Variants in GPATCH8 observed in about 807,000 individuals in gnomAD.
GPATCH8 encodes the protein G-patch domain containing 8.
In GPATCH8, 18 loss-of-function variants were observed where a neutral mutation model predicts 118.3. That is an observed-to-expected ratio of 0.15 (90% CI 0.11 to 0.23). The LOEUF is 0.23. Ranked by LOEUF, GPATCH8 falls within the 10% of genes least tolerant of loss-of-function variation. The pLI is 1.00. For missense variants in GPATCH8, 1,631 were observed against 1,873.8 expected, an observed-to-expected ratio of 0.87 and a Z score of 2.39; for synonymous variants, 659 against 684.7, an observed-to-expected ratio of 0.96 and a Z score of 0.59.
chr17:44,443,200 A>T (rs1849560028), intron 3 of GPATCH8, among the ~76,000 whole-genome samples: 1 of 152,146 alleles, frequency 6.6e-6, no homozygotes, highest in Admixed American at 6.6e-5. Flanking sequence ...AAATCAAGAT[A>T]AAAAAAATTA....
At chr17:44,405,514 GTTTT>G (rs11323148) in intron 7 of GPATCH8, among the ~76,000 whole-genome samples, 1 of 149,044 alleles carries the variant, frequency 6.7e-6, no homozygotes, top group Non-Finnish European at 1.5e-5. Flanking sequence ...GGCCACTTTT[GTTTT>G]TTTTGAGACA....
chr17:44,461,673 G>A (rs1384109609), intron 3 of GPATCH8, among the ~76,000 whole-genome samples: 3 of 151,860 alleles, frequency 2.0e-5, no homozygotes, highest in African/African-American at 7.3e-5. Context: ...AGTTTAAAGG[G>A]AACCAAAATT....
intron 3 of GPATCH8, among the ~76,000 whole-genome samples, chr17:44,450,416 C>T (rs1291646561): frequency 2.0e-5 from 3 of 152,136 alleles, no homozygotes; most frequent in Admixed American, 6.5e-5. Context: ...ATTTCAACAA[C>T]GTATGCTATC....
chr17:44,414,493 G>C (rs1209373271), intron 6 of GPATCH8, among the ~76,000 whole-genome samples: 2 of 152,080 alleles, frequency 1.3e-5, no homozygotes, highest in Non-Finnish European at 2.9e-5. Flanking sequence ...TATGTTTGTA[G>C]AGACAGGATC....
intron 1 of GPATCH8, among the ~76,000 whole-genome samples, chr17:44,483,625 T>C (rs1968519953): frequency 6.6e-6 from 1 of 151,770 alleles, no homozygotes; most frequent in African/African-American, 2.4e-5. Context: ...ATTCAAAATA[T>C]TTAATCAGAA....
At position 44,400,233 on chromosome 17, in the gene GPATCH8, T is replaced by G. The variant is rs372030778; in HGVS notation, c.1844A>C (p.Lys615Thr). ...GLDPGEPNKS[K>T]EVGGEKIVRS... ...TACTATTTTCTCTCCGCCCACTTCCTTGCTTTTATTTGGCTCACCAGGATC... is the reference window on the plus strand; with the variant it reads ...TACTATTTTCTCTCCGCCCACTTCCGTGCTTTTATTTGGCTCACCAGGATC... The change falls in exon 8 of 8, where the codon AAG becomes ACG. Residue 615 changes from lysine to threonine, a missense_variant. Physicochemically the swap from Lys to Thr is moderately conservative, Grantham distance 78 (BLOSUM62 -1). Around this residue, in one of 8 missense-constraint regions of GPATCH8, gnomAD observed 6 missense variants for 16.3 expected, o/e 0.37. Coordinates refer to ENST00000591680, the MANE Select transcript of GPATCH8 (RefSeq NM_001002909.4). 6.2e-7 allele frequency: 1 copy of G among 1,614,072 alleles called. No homozygotes were observed. The highest frequency in any genetic ancestry group is 8.5e-7 in the Non-Finnish European group (1 of 1,180,040).
intron 5 of GPATCH8, among the ~76,000 whole-genome samples, chr17:44,430,282 T>C (rs890117213): frequency 6.6e-6 from 1 of 152,060 alleles, no homozygotes; most frequent in Non-Finnish European, 1.5e-5. Context: ...CTCAACAAAA[T>C]GCTATCAAAC....
At chr17:44,413,749 A>G (rs2049540721) in intron 6 of GPATCH8, among the ~76,000 whole-genome samples, 1 of 152,104 alleles carries the variant, frequency 6.6e-6, no homozygotes, top group African/African-American at 2.4e-5. Context: ...CCTCCCAGGT[A>G]GCTGGAATTA....
At chr17:44,476,594 T>C (rs771246195) in intron 1 of GPATCH8, among the ~76,000 whole-genome samples, 3 of 152,226 alleles carry the variant, frequency 2.0e-5, no homozygotes, top group Non-Finnish European at 4.4e-5. Context: ...TATTTTTAAA[T>C]AAATACTGCT....
At chr17:44,501,107 G>C (rs1970027982) in intron 1 of GPATCH8, among the ~76,000 whole-genome samples, 1 of 152,044 alleles carries the variant, frequency 6.6e-6, no homozygotes, top group African/African-American at 2.4e-5. Flanking sequence ...CAAAATGCTA[G>C]GACATCTGAA....
At chr17:44,503,238 GA>G in intron 1 of GPATCH8, 87 bp downstream of exon 1, 1 of 1,235,074 alleles carries the variant, frequency 8.1e-7, no homozygotes, top group Non-Finnish European at 1.2e-6. Flanking sequence ...AGCAAAACTG[GA>G]AGGAAAGAGG....
rs2048950728 is a variant in GPATCH8, at chr17:44,399,980, G to A, written c.2097C>T (p.Ser699=). ...RKHKADTEEK[S]SKAESGEKSK... is the part of the protein sequence containing the mutation. ...ATTTCTCCCCTGACTCTGCCTTAGA[G>A]CTTTTCTCTTCTGTGTCAGCCTTGT... Residue 699 remains serine (S), a synonymous_variant, in exon 8 of 8, where the codon AGC becomes AGT. Coordinates refer to ENST00000591680, the MANE Select transcript of GPATCH8 (RefSeq NM_001002909.4). 1 of 1,613,880 alleles carries A rather than the reference G, an allele frequency of 6.2e-7. No homozygotes were observed. The highest frequency in any genetic ancestry group is 1.3e-5 in the African/African-American group (1 of 74,850).
chr17:44,493,901 G>A (rs1020927403), intron 1 of GPATCH8, among the ~76,000 whole-genome samples: 8 of 152,006 alleles, frequency 5.3e-5, no homozygotes, highest in African/African-American at 1.9e-4. Flanking sequence ...TATATAAGAG[G>A]CATTTATTAA....
intron 1 of GPATCH8, among the ~76,000 whole-genome samples, chr17:44,482,800 A>G (rs1274644195): frequency 6.6e-6 from 1 of 151,924 alleles, no homozygotes; most frequent in African/African-American, 2.4e-5. Context: ...AACTAAACTA[A>G]AAAACATGTA....
At chr17:44,433,333 C>A (rs2050385779) in intron 5 of GPATCH8, among the ~76,000 whole-genome samples, 1 of 152,106 alleles carries the variant, frequency 6.6e-6, no homozygotes, top group African/African-American at 2.4e-5. Context: ...AATATTTATT[C>A]ATTCAACTAA....
intron 1 of GPATCH8, among the ~76,000 whole-genome samples, chr17:44,491,838 G>A (rs1003815401): frequency 2.0e-5 from 3 of 151,956 alleles, no homozygotes; most frequent in African/African-American, 2.4e-5. Flanking sequence ...TTCCACATTC[G>A]TCCTGTGTTT....
At position 44,396,712 on chromosome 17, in the gene GPATCH8, C is replaced by T. The variant is rs145310816; in HGVS notation, c.*856G>A. On this transcript the variant is annotated 3_prime_UTR_variant, in exon 8 of 8. Transcript: ENST00000591680. ...ATTGCAGTATACTACAAATATGGAACCTTTTTTATATGAGCTACAAAAAGC... is the reference window on the plus strand; with the variant it reads ...ATTGCAGTATACTACAAATATGGAATCTTTTTTATATGAGCTACAAAAAGC... 8.2e-4 allele frequency: 364 copies of T among 445,466 alleles called. 2 individuals are homozygous for T. The highest frequency in any genetic ancestry group is 2.1e-3 in the Admixed American group (83 of 40,336). The allele number at this position is 445,466 out of a possible 1,614,324, so 27.6% of individuals were successfully genotyped here.
chr17:44,482,515 A>C (rs1337171206), intron 1 of GPATCH8, among the ~76,000 whole-genome samples: 2 of 145,274 alleles, frequency 1.4e-5, no homozygotes, highest in East Asian at 4.4e-4. Flanking sequence ...CGGAGGCTGC[A>C]GTGAGCCGAG....
At chr17:44,411,255 C>T (rs898859385) in intron 6 of GPATCH8, among the ~76,000 whole-genome samples, 4 of 152,142 alleles carry the variant, frequency 2.6e-5, no homozygotes, top group African/African-American at 9.7e-5. Context: ...TTAAGATAGT[C>T]ATCATTCTGT....
Sources: allele counts gnomAD v4.1 joint callset (sites outside exome capture counted in the v4.1 genomes callset), GRCh38; gene constraint gnomAD v4.1.1; regional missense constraint gnomAD v4.1.1; transcripts MANE v1.5; gene names NCBI Gene and HGNC (gene_info 2026-07-23, HGNC 2026-07-21).